ARSG: variants seen among roughly 807,000 people sequenced by gnomAD.
ARSG encodes the protein ASG.
A neutral mutation model predicts 50.5 loss-of-function variants in ARSG; 37 were observed. The ratio of observed to expected loss-of-function variants is 0.73; its 90% CI spans 0.56 to 0.96. The LOEUF is 0.96. Among genes scored for constraint, ARSG ranks in the 50% least tolerant of loss-of-function variants. ARSG has a pLI of 0.00. For synonymous variants in ARSG, 225 were observed against 254.6 expected, an observed-to-expected ratio of 0.88 and a Z score of 1.11; for missense variants, 629 against 675.3, an observed-to-expected ratio of 0.93 and a Z score of 0.76.
At chr17:68,443,226 T>C in the ARSG span, among the ~76,000 whole-genome samples, 1 of 152,198 alleles carries the variant, frequency 6.6e-6, no homozygotes, top group Non-Finnish European at 1.5e-5. Flanking sequence ...TTTTCCTGTC[T>C]CAACCTCCCA....
At chr17:68,312,756 A>T (rs2076915490) in intron 2 of ARSG, among the ~76,000 whole-genome samples, 1 of 152,014 alleles carries the variant, frequency 6.6e-6, no homozygotes, top group Admixed American at 6.5e-5. Context: ...CCATGAACTG[A>T]TTCATCGCTG....
the ARSG span, among the ~76,000 whole-genome samples, chr17:68,431,155 C>T: frequency 3.3e-5 from 5 of 152,238 alleles, no homozygotes; most frequent in Admixed American, 6.5e-5. Context: ...TGAGAGAGCA[C>T]GGGTGTATAC....
Position 68,395,209 on chromosome 17 carries a change from A to T in ARSG, c.1212+16A>T. The T allele has an allele frequency of 6.2e-7, 1 of 1,613,322 alleles. No homozygotes were observed. Among genetic ancestry groups the T allele is most frequent in the Admixed American group, 1.7e-5 (1 of 59,980 alleles). On this transcript the variant is annotated intron_variant, in intron 10 of 11. Transcript: ENST00000621439. ...TGGGCACAGGGTAAGTGGAGGAGGT[A>T]CTTGCCCACATGTAGGCTCTTTAGG...
intron 8 of ARSG, among the ~76,000 whole-genome samples, chr17:68,372,443 G>A (rs928938290): frequency 6.6e-6 from 1 of 152,164 alleles, no homozygotes; most frequent in Non-Finnish European, 1.5e-5. Flanking sequence ...TGGCTAGGGA[G>A]GCCTCAGGAA....
chr17:68,332,511 TG>T (rs2077822094), intron 2 of ARSG, among the ~76,000 whole-genome samples: 1 of 152,142 alleles, frequency 6.6e-6, no homozygotes. Context: ...GAGTATTGAT[TG>T]GGGAAGTGAT....
At chr17:68,426,090 C>T (rs1326951300), downstream of ARSG, 5 of 1,612,806 alleles carry the variant, frequency 3.1e-6, no homozygotes, top group Non-Finnish European at 4.2e-6. Context: ...GAAACTCATT[C>T]TCATCATCAA....
downstream of ARSG, chr17:68,426,018 A>T: frequency 7.1e-7 from 1 of 1,416,500 alleles, no homozygotes; most frequent in Non-Finnish European, 1.0e-6. Context: ...TATGAGGCGA[A>T]GGTTTCCTTC....
intron 4 of ARSG, 51 bp from the exon 5 acceptor site, chr17:68,351,524 C>T: frequency 3.1e-6 from 3 of 970,026 alleles, no homozygotes; most frequent in Non-Finnish European, 5.1e-6. Context: ...CAAAGGCAAG[C>T]ACATGGAGTC....
the ARSG span, among the ~76,000 whole-genome samples, chr17:68,451,621 G>A: frequency 1.3e-5 from 2 of 152,258 alleles, no homozygotes; most frequent in East Asian, 1.9e-4. Flanking sequence ...TTTCAAAGGC[G>A]TGACTTCTCA....
At chr17:68,418,349 C>T (rs2082525360) in intron 11 of ARSG, among the ~76,000 whole-genome samples, 1 of 152,218 alleles carries the variant, frequency 6.6e-6, no homozygotes, top group African/African-American at 2.4e-5. Context: ...GGGACACAGT[C>T]TCTACTCCTA....
intron 1 of ARSG, among the ~76,000 whole-genome samples, chr17:68,292,016 T>C (rs1555756365): frequency 1.3e-5 from 2 of 151,766 alleles, no homozygotes; most frequent in Admixed American, 6.5e-5. Context: ...AGCGCCCACT[T>C]CCCCCAGTTT....
chr17:68,431,631 A>G, the ARSG span, among the ~76,000 whole-genome samples: 2 of 66,304 alleles, frequency 3.0e-5, no homozygotes, highest in Non-Finnish European at 6.3e-5. Flanking sequence ...AAGAGACTGG[A>G]AAGTCAGACC....
In ARSG at chr17:68,392,942, G is replaced by A. The variant is rs2081064858; in HGVS notation, c.1092-2131G>A. Reference sequence around the variant, plus strand: ...GAAAAGGCAGTGAATATTCTCTTGTGGACACCTGTCCCACACTGTTTCCTC... The same window carrying A: ...GAAAAGGCAGTGAATATTCTCTTGTAGACACCTGTCCCACACTGTTTCCTC... On this transcript the variant is annotated intron_variant, in intron 9 of 11. Coordinates refer to ENST00000621439, the MANE Select transcript of ARSG (RefSeq NM_001267727.2). Among the ~76,000 whole-genome samples the A allele has an allele frequency of 2.6e-5, 4 of 152,208 alleles. No individual in the cohort carries two copies. In the South Asian group the frequency reaches 8.3e-4, roughly 32 times the overall value.
At chr17:68,421,510 A>G (rs564168450), downstream of ARSG, 5 of 491,314 alleles carry the variant, frequency 1.0e-5, no homozygotes, top group African/African-American at 3.8e-5. Context: ...ATATACCAAT[A>G]TGGTTAATTA....
At chr17:68,435,603 G>A in the ARSG span, 1 of 1,612,554 alleles carries the variant, frequency 6.2e-7, no homozygotes. Context: ...CAGAGGTGTT[G>A]GTGGGAGTGG....
chr17:68,324,334 C>A (rs1434939268), intron 2 of ARSG, among the ~76,000 whole-genome samples: 1 of 152,132 alleles, frequency 6.6e-6, no homozygotes, highest in Non-Finnish European at 1.5e-5. Context: ...CTTGGGCTCA[C>A]ATGGTTTGTG....
In ARSG at chr17:68,336,312, C is replaced by T. The variant is rs548300321; in HGVS notation, c.219-7292C>T. On this transcript the variant is annotated intron_variant, in intron 2 of 11. Coordinates refer to ENST00000621439, the MANE Select transcript of ARSG (RefSeq NM_001267727.2). ...GCAACCTCCTTCTCCCAGATTCAAGCGGTTCTCCTGCCTCAGTCTCCTGAG... is the reference window on the plus strand; with the variant it reads ...GCAACCTCCTTCTCCCAGATTCAAGTGGTTCTCCTGCCTCAGTCTCCTGAG... 7.9e-5 allele frequency among the ~76,000 whole-genome samples: 12 copies of T among 151,622 alleles called. No individual in the cohort carries two copies. The East Asian group carries it at 2.1e-3, about 27-fold the overall frequency.
At chr17:68,436,294 C>T in the ARSG span, 4 of 1,239,010 alleles carry the variant, frequency 3.2e-6, no homozygotes, top group Non-Finnish European at 3.6e-6. Flanking sequence ...CCTCCAGCCC[C>T]CGACGGCAGG....
At position 68,284,828 on chromosome 17, in the gene ARSG, T is replaced by C. The variant is rs1372379916; in HGVS notation, c.-551-22115T>C. 4.6e-5 allele frequency among the ~76,000 whole-genome samples: 7 copies of C among 152,236 alleles called. No individual in the cohort carries two copies. The East Asian group carries it at 1.3e-3, about 29-fold the overall frequency. ...GGCATAAGATGCTGTAAGATGAGTA[T>C]GCTCTTTGCAGCAAAGGCCTTTGCA... On this transcript the variant is annotated intron_variant, in intron 1 of 11. Coordinates refer to the ARSG transcript ENST00000448504.
Sources: gnomAD v4.1 joint callset for allele counts (sites outside exome capture counted in the v4.1 genomes callset) on GRCh38, gnomAD v4.1.1 for gene constraint, MANE v1.5 for transcripts, NCBI Gene and HGNC (gene_info 2026-07-23, HGNC 2026-07-21) for gene names.